PTPRO: variants seen among roughly 807,000 people sequenced by gnomAD.
PTPRO encodes the protein protein tyrosine phosphatase receptor type O.
Under a neutral mutation model 145.2 loss-of-function variants are expected in PTPRO, and 62 were observed. The ratio of observed to expected loss-of-function variants is 0.43; its 90% CI spans 0.35 to 0.53. The LOEUF (loss-of-function observed/expected upper bound fraction) is 0.53, where lower values mean the gene tolerates loss of function less well. Among genes scored for constraint, PTPRO ranks in the 20% least tolerant of loss-of-function variants. PTPRO has a pLI of 0.01. For missense variants in PTPRO, 1,345 were observed against 1,482.7 expected, an observed-to-expected ratio of 0.91 and a Z score of 1.53; for synonymous variants, 565 against 514.7, an observed-to-expected ratio of 1.10 and a Z score of -1.32.
chr12:15,405,666 A>G (rs759178790), intron 1 of PTPRO, among the ~76,000 whole-genome samples: 4 of 152,338 alleles, frequency 2.6e-5, no homozygotes, highest in African/African-American at 7.2e-5. Context: ...CTTTATTCCC[A>G]TCTGACTGTA....
At chr12:15,560,116 G>C (rs1452106535) in intron 16 of PTPRO, 77 bp from the exon 17 acceptor site, 1 of 984,376 alleles carries the variant, frequency 1.0e-6, no homozygotes, top group African/African-American at 1.6e-5. Flanking sequence ...GTAATTTACT[G>C]ATATCTATTC....
intron 1 of PTPRO, among the ~76,000 whole-genome samples, chr12:15,461,964 C>G (rs1181233296): frequency 6.6e-6 from 1 of 152,070 alleles, no homozygotes; most frequent in Non-Finnish European, 1.5e-5. Flanking sequence ...AAAAGCTGAC[C>G]ATGTTCATCT....
At chr12:15,572,593 A>G (rs1944079183) in intron 19 of PTPRO, among the ~76,000 whole-genome samples, 1 of 152,194 alleles carries the variant, frequency 6.6e-6, no homozygotes, top group African/African-American at 2.4e-5. Flanking sequence ...ATTTATGATT[A>G]AAGAGGTTAA....
In PTPRO at chr12:15,597,889, A is replaced by G. The variant is rs1280990261; in HGVS notation, c.*1816A>G. On this transcript the variant is annotated 3_prime_UTR_variant, in exon 27 of 27. Coordinates refer to ENST00000281171, the MANE Select transcript of PTPRO (RefSeq NM_030667.3). Reference sequence around the variant, plus strand: ...GAAAGGTGGCAAAGGGATGTGTGACATTCTTAGATTTTCACACATGGGCAG... The same window carrying G: ...GAAAGGTGGCAAAGGGATGTGTGACGTTCTTAGATTTTCACACATGGGCAG... Among the ~76,000 whole-genome samples, 2 of 152,196 alleles carry G rather than the reference A, an allele frequency of 1.3e-5. No homozygotes were observed.
At chr12:15,574,599 C>T (rs1358398643) in intron 19 of PTPRO, among the ~76,000 whole-genome samples, 1 of 152,202 alleles carries the variant, frequency 6.6e-6, no homozygotes, top group Non-Finnish European at 1.5e-5. Flanking sequence ...CTTCTGTCAA[C>T]ACCACTGGCA....
At chr12:15,426,443 C>T (rs1030788018) in intron 1 of PTPRO, among the ~76,000 whole-genome samples, 3 of 151,852 alleles carry the variant, frequency 2.0e-5, no homozygotes, top group Admixed American at 1.3e-4. Flanking sequence ...GAAAACTATT[C>T]GTGATAATAT....
chr12:15,551,582 C>G lies in PTPRO; in HGVS notation c.2469C>G (p.Ile823Met). ...AGATGAATCCCAATGTGGTAGTGAT[C>G]TCCGTGCTGGCCATCCTTAGCACAC... is the stretch of plus-strand genomic sequence containing the variant. The part of the protein sequence containing the change: ...VTEMNPNVVV[I>M]SVLAILSTLL... The change falls in exon 15 of 27, where the codon ATC becomes ATG. Residue 823 changes from isoleucine (I) to methionine (M), a missense_variant. Physicochemically the swap from Ile to Met is conservative, Grantham distance 10. Transcript: ENST00000281171. 1 of 1,613,692 alleles carries G rather than the reference C, an allele frequency of 6.2e-7. No individual in the cohort carries two copies. The highest frequency in any genetic ancestry group is 8.5e-7 in the Non-Finnish European group (1 of 1,179,782).
intron 23 of PTPRO, among the ~76,000 whole-genome samples, chr12:15,586,588 T>C (rs890887535): frequency 2.0e-5 from 3 of 152,194 alleles, no homozygotes; most frequent in African/African-American, 7.2e-5. Flanking sequence ...CAGTGTTTAA[T>C]TCATTAGCCA....
intron 11 of PTPRO, 122 bp from the exon 12 acceptor site, chr12:15,526,020 C>G: frequency 8.1e-7 from 1 of 1,236,266 alleles, no homozygotes; most frequent in Non-Finnish European, 1.2e-6. Context: ...ATAATATAAT[C>G]AATTGCAGAC....
intron 16 of PTPRO, among the ~76,000 whole-genome samples, chr12:15,559,835 A>T (rs78938418): frequency 0.015 from 2,311 of 152,284 alleles, 46 homozygotes; most frequent in African/African-American, 0.051. Context: ...GCTTAAGCAT[A>T]GGAAGAATAA....
chr12:15,407,459 T>C (rs1939679355), intron 1 of PTPRO, among the ~76,000 whole-genome samples: 1 of 152,206 alleles, frequency 6.6e-6, no homozygotes, highest in Admixed American at 6.5e-5. Context: ...ATATTAGTCT[T>C]GGGGCAATTC....
intron 5 of PTPRO, among the ~76,000 whole-genome samples, chr12:15,502,310 A>G (rs1942238936): frequency 6.6e-6 from 1 of 152,188 alleles, no homozygotes; most frequent in Admixed American, 6.5e-5. Flanking sequence ...AACTGTATAC[A>G]TTTGACTGCC....
intron 11 of PTPRO, 106 bp from the exon 12 acceptor site, chr12:15,526,036 C>A (rs2136527449): frequency 5.8e-6 from 8 of 1,376,610 alleles, no homozygotes; most frequent in South Asian, 2.3e-5. Context: ...CAGACTGCTG[C>A]ATAGAACAGA....
At chr12:15,415,565 T>C (rs1050556076) in intron 1 of PTPRO, among the ~76,000 whole-genome samples, 1 of 151,488 alleles carries the variant, frequency 6.6e-6, no homozygotes, top group South Asian at 2.1e-4. Context: ...TTTGTATTTT[T>C]AGTAGAGACG....
intron 1 of PTPRO, among the ~76,000 whole-genome samples, chr12:15,449,004 C>T (rs1468770173): frequency 1.3e-5 from 2 of 149,232 alleles, no homozygotes; most frequent in African/African-American, 4.9e-5. Flanking sequence ...AAAAGTTAGG[C>T]AGAATTAAAT....
chr12:15,582,513 A>C (rs1196090442), intron 23 of PTPRO, among the ~76,000 whole-genome samples: 1 of 152,248 alleles, frequency 6.6e-6, no homozygotes, highest in Non-Finnish European at 1.5e-5. Flanking sequence ...AAGACGCAGT[A>C]AAAAGTCTGC....
chr12:15,581,974 C>G (rs934581403), intron 23 of PTPRO, among the ~76,000 whole-genome samples, 173 bp downstream of exon 23: 1 of 152,064 alleles, frequency 6.6e-6, no homozygotes, highest in Non-Finnish European at 1.5e-5. Context: ...CTGAGAGCCT[C>G]GAACAGAGAT....
intron 1 of PTPRO, among the ~76,000 whole-genome samples, chr12:15,460,052 G>T (rs253805): frequency 0.92 from 140,140 of 152,208 alleles, 65,285 homozygotes; most frequent in Non-Finnish European, 0.99. Flanking sequence ...CACATTGGAT[G>T]GACAGCAAAT....
chr12:15,448,356 A>AAAAAAAAAAAAAAAC (rs1427992443), intron 1 of PTPRO, among the ~76,000 whole-genome samples: 3 of 149,236 alleles, frequency 2.0e-5, no homozygotes, highest in South Asian at 2.1e-4. Context: ...AAAAAAAAAA[A>AAAAAAAAAAAAAAAC]AAAAGCACCG....
Sources: allele counts gnomAD v4.1 joint callset (sites outside exome capture counted in the v4.1 genomes callset), GRCh38; gene constraint gnomAD v4.1.1; transcripts MANE v1.5; gene names NCBI Gene and HGNC (gene_info 2026-07-23, HGNC 2026-07-21).